The following ANKS6 variants were observed in gnomAD, a reference collection of about 807,000 sequenced individuals.
ANKS6 encodes the protein ankyrin repeat and SAM domain-containing protein 6.
A neutral mutation model predicts 77.9 loss-of-function variants in ANKS6; 47 were observed. The observed-to-expected ratio is 0.60, with a 90% CI of 0.48 to 0.77. The LOEUF is 0.77. Ranked by LOEUF, ANKS6 falls within the 30% of genes least tolerant of loss-of-function variation. ANKS6 has a pLI of 0.00. For synonymous variants in ANKS6, 488 were observed against 501.7 expected (o/e 0.97, Z 0.37); for missense variants, 1,150 against 1,159.1 (o/e 0.99, Z 0.11).
intron 13 of ANKS6, among the ~76,000 whole-genome samples, chr9:98,747,074 C>T (rs1433389018): frequency 6.6e-6 from 1 of 152,180 alleles, no homozygotes; most frequent in African/African-American, 2.4e-5. Context: ...ACATAAATTA[C>T]AGGGTGGATG....
intron 13 of ANKS6, among the ~76,000 whole-genome samples, chr9:98,750,092 T>C (rs940231068): frequency 6.6e-6 from 1 of 152,234 alleles, no homozygotes; most frequent in Non-Finnish European, 1.5e-5. Context: ...TGTGTAACCA[T>C]CACCACACAC....
At chr9:98,771,298 C>T (rs1833613872) in intron 9 of ANKS6, among the ~76,000 whole-genome samples, 1 of 152,212 alleles carries the variant, frequency 6.6e-6, no homozygotes, top group African/African-American at 2.4e-5. Flanking sequence ...TGCTTTCAGT[C>T]TCATTCAACT....
rs1262461381 is a variant in ANKS6 at position 98,733,994 on chromosome 9, G to C, written c.*2525C>G. 8 of 985,184 alleles carry C rather than the reference G, an allele frequency of 8.1e-6. No individual in the cohort carries two copies. In the Admixed American group the frequency reaches 3.7e-4, roughly 45 times the overall value. The allele number at this position is 985,184 out of a possible 1,614,324, so 61.0% of individuals were successfully genotyped here. On this transcript the variant is annotated 3_prime_UTR_variant, in exon 15 of 15. Transcript: ENST00000353234. ...TGTGGGAAGGGAAGGGGGTGATCAAGGACCAAAAATCAGAAAAACAAGCAC... is the reference window on the plus strand; with the variant it reads ...TGTGGGAAGGGAAGGGGGTGATCAACGACCAAAAATCAGAAAAACAAGCAC...
At position 98,773,857 on chromosome 9, in the gene ANKS6, T is replaced by C. The variant is rs1455634513; in HGVS notation, c.1821+20A>G. 5 of 1,506,504 alleles carry C rather than the reference T, an allele frequency of 3.3e-6. No individual in the cohort carries two copies. In the African/African-American group the frequency reaches 5.6e-5, roughly 17 times the overall value. 93.3% of individuals were successfully genotyped at this position (1,506,504 alleles called of 1,614,324 possible). A position where few individuals can be genotyped will look rare whatever the true frequency, so the allele number is the denominator to read the frequency against. ...GTGAGCAGTGAGTGATGTGTAAAAG[T>C]GTGTCAGAAGACAACTTACAGTGTC... On this transcript the variant is annotated intron_variant, in intron 9 of 14. Transcript: ENST00000353234.
intron 10 of ANKS6, among the ~76,000 whole-genome samples, chr9:98,770,333 C>T (rs770322374): frequency 2.0e-5 from 3 of 152,242 alleles, no homozygotes; most frequent in Middle Eastern, 3.4e-3. Flanking sequence ...TACCCAGTCT[C>T]GGGTATGTCT....
intron 3 of ANKS6, 25 bp from the exon 4 acceptor site, chr9:98,784,182 G>A: frequency 4.0e-6 from 6 of 1,504,966 alleles, no homozygotes; most frequent in South Asian, 1.3e-5. Flanking sequence ...AGGAGTCCGG[G>A]TGAACTGTGG....
rs1319337830 is a variant in ANKS6 at position 98,734,652 on chromosome 9, T to A, written c.*1867A>T. On this transcript the variant is annotated 3_prime_UTR_variant, in exon 15 of 15. Coordinates refer to ENST00000353234, the MANE Select transcript of ANKS6 (RefSeq NM_173551.5). ...CCAGATCTGCTCCTTCTGGGCTGTT[T>A]AACTGGCAAGCTGCTTCCCTCTCCT... 4 of 948,030 alleles carry A rather than the reference T, an allele frequency of 4.2e-6. No individual in the cohort carries two copies. The African/African-American group carries it at 5.3e-5, about 13-fold the overall frequency. 58.7% of individuals were successfully genotyped at this position (948,030 alleles called of 1,614,324 possible).
chr9:98,732,537 C>T lies in ANKS6; in HGVS notation c.*3982G>A. ...TGCCGGAGGCAGTTTCTTCTGGCCT[C>T]ACCCACCCAACCATGGCTACGTCAG... On this transcript the variant is annotated 3_prime_UTR_variant, in exon 15 of 15. Transcript: ENST00000353234. 2 of 1,550,626 alleles carry T rather than the reference C, an allele frequency of 1.3e-6. No individual in the cohort carries two copies. The highest frequency in any genetic ancestry group is 1.4e-5 in the African/African-American group (1 of 73,186).
intron 14 of ANKS6, among the ~76,000 whole-genome samples, chr9:98,741,707 G>A (rs1403403736): frequency 6.6e-6 from 1 of 152,294 alleles, no homozygotes; most frequent in South Asian, 2.1e-4. Flanking sequence ...GAGCAGACTC[G>A]AGCACACATT....
Position 98,733,325 on chromosome 9 carries a change from C to A in ANKS6, c.*3194G>T, listed in dbSNP as rs560578951. On this transcript the variant is annotated 3_prime_UTR_variant, in exon 15 of 15. Transcript: ENST00000353234. Reference sequence around the variant, plus strand: ...CAGGGACTTGGACATCCAGCACTCACGACACACCAGCAAGACACTGCCTGG... The same window carrying A: ...CAGGGACTTGGACATCCAGCACTCAAGACACACCAGCAAGACACTGCCTGG... The A allele has an allele frequency of 1.3e-5, 13 of 985,394 alleles. No individual in the cohort carries two copies. The highest frequency in any genetic ancestry group is 6.1e-5 in the Admixed American group (1 of 16,268). 61.0% of individuals were successfully genotyped at this position (985,394 alleles called of 1,614,324 possible).
At chr9:98,754,666 T>C (rs1035597282) in intron 12 of ANKS6, among the ~76,000 whole-genome samples, 1 of 149,150 alleles carries the variant, frequency 6.7e-6, no homozygotes, top group Non-Finnish European at 1.5e-5. Context: ...TCTTCGGGGA[T>C]GGATTGCAGC....
rs188119227 is a variant in ANKS6, at chr9:98,789,417, T to A, written c.862+687A>T. Among the ~76,000 whole-genome samples the A allele has an allele frequency of 9.1e-3, 998 of 109,262 alleles. 9 individuals carry two copies. The highest frequency in any genetic ancestry group is 0.032 in the African/African-American group (950 of 29,266). The allele number at this position is 109,262 out of a possible 152,430, so 71.7% of individuals were successfully genotyped here. A position where few individuals can be genotyped will look rare whatever the true frequency, so the allele number is the denominator to read the frequency against. On this transcript the variant is annotated intron_variant, in intron 2 of 14. Transcript: ENST00000353234. ...GACAACTCTTTACATGCCAGAGAGATGGCAAGAAGTTAAAAAAAAAAAAAA... is the reference window on the plus strand; with the variant it reads ...GACAACTCTTTACATGCCAGAGAGAAGGCAAGAAGTTAAAAAAAAAAAAAA...
intron 6 of ANKS6, among the ~76,000 whole-genome samples, chr9:98,778,885 G>A (rs576324618): frequency 6.6e-5 from 10 of 152,334 alleles, no homozygotes; most frequent in Admixed American, 5.2e-4. Flanking sequence ...ACCAGGGCCT[G>A]GGCCAGCTGC....
chr9:98,763,114 AC>A (rs1306775820), intron 11 of ANKS6, among the ~76,000 whole-genome samples: 4 of 152,148 alleles, frequency 2.6e-5, no homozygotes, highest in African/African-American at 9.7e-5. Flanking sequence ...GACATGAACA[AC>A]AGTAACAACC....
chr9:98,766,297 T>C (rs1228316817), intron 11 of ANKS6, among the ~76,000 whole-genome samples: 1 of 152,142 alleles, frequency 6.6e-6, no homozygotes, highest in Non-Finnish European at 1.5e-5. Context: ...TAGAGAATAG[T>C]TAATATAATT....
chr9:98,790,750 C>T (rs979627018), intron 1 of ANKS6, 144 bp from the exon 2 acceptor site: 2 of 1,155,894 alleles, frequency 1.7e-6, no homozygotes, highest in African/African-American at 3.1e-5. Flanking sequence ...CTGTGCCAGC[C>T]ACATGGATGC....
Position 98,760,953 on chromosome 9 carries a change from A to T in ANKS6, c.2143-4350T>A, listed in dbSNP as rs1029051700. Among the ~76,000 whole-genome samples, 4 of 152,340 alleles carry T rather than the reference A, an allele frequency of 2.6e-5. No individual in the cohort carries two copies. The East Asian group carries it at 7.7e-4, about 29-fold the overall frequency. On this transcript the variant is annotated intron_variant, in intron 11 of 14. Transcript: ENST00000353234. ...ATCATAAGTGAATGTTTAGTTTTAT[A>T]AGAAACTGCCTATCTTTTTCAAGGT... is the stretch of plus-strand genomic sequence containing the variant.
At chr9:98,782,618 G>A (rs1834337004) in intron 4 of ANKS6, 45 bp from the exon 5 acceptor site, 8 of 1,525,606 alleles carry the variant, frequency 5.2e-6, no homozygotes, top group Non-Finnish European at 6.4e-6. Flanking sequence ...GCAAAGGCAT[G>A]GCTTTGCTCC....
At chr9:98,790,058 A>G in intron 2 of ANKS6, 46 bp downstream of exon 2, 1 of 1,518,954 alleles carries the variant, frequency 6.6e-7, no homozygotes, top group South Asian at 1.3e-5. Context: ...CCACATAAAC[A>G]CAATTTGGGG....
Sources: gnomAD v4.1 joint callset for allele counts (sites outside exome capture counted in the v4.1 genomes callset) on GRCh38, gnomAD v4.1.1 for gene constraint, MANE v1.5 for transcripts, NCBI Gene and HGNC (gene_info 2026-07-23, HGNC 2026-07-21) for gene names.